The following LRMDA variants were observed in gnomAD, a reference collection of about 807,000 sequenced individuals.
LRMDA encodes leucine rich melanocyte differentiation associated.
In LRMDA, 18 loss-of-function variants were observed where a neutral mutation model predicts 29.8. The ratio of observed to expected loss-of-function variants is 0.60; its 90% CI spans 0.42 to 0.90. The LOEUF (loss-of-function observed/expected upper bound fraction) is 0.90, where lower values mean the gene tolerates loss of function less well. Ranked by LOEUF, LRMDA falls within the 40% of genes least tolerant of loss-of-function variation. The pLI is 0.00. For synonymous variants in LRMDA, 125 were observed against 109.4 expected (o/e 1.14, Z -0.89); for missense variants, 273 against 273.9 (o/e 1.00, Z 0.02).
chr10:75,432,603 T>C (rs976283965), intron 1 of LRMDA, among the ~76,000 whole-genome samples: 1 of 152,226 alleles, frequency 6.6e-6, no homozygotes, highest in African/African-American at 2.4e-5. Flanking sequence ...CACCTTTCCC[T>C]GCACACCCTG....
At chr10:75,702,964 C>G (rs1842326324) in intron 2 of LRMDA, among the ~76,000 whole-genome samples, 1 of 152,174 alleles carries the variant, frequency 6.6e-6, no homozygotes, top group Non-Finnish European at 1.5e-5. Context: ...TCCTGAAATT[C>G]CCATTTAAGA....
chr10:75,960,987 A>G (rs1188441009), intron 2 of LRMDA, among the ~76,000 whole-genome samples: 1 of 152,184 alleles, frequency 6.6e-6, no homozygotes, highest in Non-Finnish European at 1.5e-5. Context: ...TCCTAGGGAC[A>G]GATTTGTCAA....
At chr10:75,664,048 T>G (rs990192752) in intron 2 of LRMDA, among the ~76,000 whole-genome samples, 1 of 152,224 alleles carries the variant, frequency 6.6e-6, no homozygotes, top group Non-Finnish European at 1.5e-5. Context: ...GAATAGTCCG[T>G]AAAGTTTACT....
intron 2 of LRMDA, among the ~76,000 whole-genome samples, chr10:75,488,135 G>T (rs901089353): frequency 1.3e-5 from 2 of 152,124 alleles, no homozygotes; most frequent in African/African-American, 4.8e-5. Flanking sequence ...AATGGTGTAT[G>T]CCCTGCCTCT....
intron 6 of LRMDA, among the ~76,000 whole-genome samples, chr10:76,340,815 A>ATTT (rs1339636911): frequency 6.6e-6 from 1 of 152,126 alleles, no homozygotes; most frequent in Non-Finnish European, 1.5e-5. Flanking sequence ...ATTCAGCATT[A>ATTT]TTTGCAGTCA....
intron 2 of LRMDA, among the ~76,000 whole-genome samples, chr10:75,641,409 A>T (rs967934791): frequency 2.7e-5 from 4 of 148,712 alleles, no homozygotes; most frequent in African/African-American, 7.3e-5. Flanking sequence ...GTTAATATAT[A>T]ATATATATAT....
intron 2 of LRMDA, among the ~76,000 whole-genome samples, chr10:75,626,690 A>G (rs1841254121): frequency 6.6e-6 from 1 of 152,178 alleles, no homozygotes; most frequent in African/African-American, 2.4e-5. Flanking sequence ...AGAGCATGCC[A>G]CTGTCCACAG....
intron 2 of LRMDA, among the ~76,000 whole-genome samples, chr10:75,931,723 A>G (rs1846208861): frequency 6.6e-6 from 1 of 152,190 alleles, no homozygotes; most frequent in Non-Finnish European, 1.5e-5. Context: ...AGGCCTACTG[A>G]TGCTTGGAAC....
chr10:76,533,900 T>G (rs1843263744), intron 6 of LRMDA, among the ~76,000 whole-genome samples: 1 of 152,208 alleles, frequency 6.6e-6, no homozygotes, highest in African/African-American at 2.4e-5. Context: ...GGTTACTACA[T>G]GCTGGGCACA....
intron 2 of LRMDA, among the ~76,000 whole-genome samples, chr10:75,650,900 CTCA>C (rs1285900246): frequency 1.3e-5 from 2 of 152,116 alleles, no homozygotes; most frequent in Non-Finnish European, 2.9e-5. Flanking sequence ...AGAGAGAACT[CTCA>C]TCAGCATTAT....
intron 2 of LRMDA, among the ~76,000 whole-genome samples, chr10:75,708,768 G>A (rs2132175458): frequency 6.6e-6 from 1 of 152,220 alleles, no homozygotes; most frequent in South Asian, 2.1e-4. Flanking sequence ...AACGAGCAAG[G>A]GTTTCTAAAT....
chr10:75,991,211 T>A (rs1258542438), intron 2 of LRMDA, among the ~76,000 whole-genome samples: 1 of 152,188 alleles, frequency 6.6e-6, no homozygotes, highest in Non-Finnish European at 1.5e-5. Flanking sequence ...ATTTTTGGTG[T>A]GTGTGCATAA....
chr10:76,407,702 G>C (rs1261989959), intron 6 of LRMDA, among the ~76,000 whole-genome samples: 2 of 152,156 alleles, frequency 1.3e-5, no homozygotes, highest in Non-Finnish European at 2.9e-5. Flanking sequence ...AAAACTGTCT[G>C]CTATCCTTAA....
intron 6 of LRMDA, among the ~76,000 whole-genome samples, chr10:76,337,934 G>A (rs1840989313): frequency 6.6e-6 from 1 of 152,138 alleles, no homozygotes; most frequent in Non-Finnish European, 1.5e-5. Flanking sequence ...GTTTGCTTAT[G>A]TAGGAATCCA....
At chr10:76,274,757 G>C (rs1255574494) in intron 5 of LRMDA, among the ~76,000 whole-genome samples, 2 of 152,082 alleles carry the variant, frequency 1.3e-5, no homozygotes, top group Admixed American at 6.6e-5. Flanking sequence ...TTTTGATATT[G>C]GAGCGGTTTT....
At chr10:76,162,982 T>G (rs1850675034) in intron 5 of LRMDA, among the ~76,000 whole-genome samples, 1 of 152,174 alleles carries the variant, frequency 6.6e-6, no homozygotes, top group Non-Finnish European at 1.5e-5. Flanking sequence ...AATTCCAGAT[T>G]TTAATTTTAT....
At chr10:76,129,445 G>T (rs1408216833) in intron 5 of LRMDA, among the ~76,000 whole-genome samples, 1 of 152,178 alleles carries the variant, frequency 6.6e-6, no homozygotes, top group Non-Finnish European at 1.5e-5. Flanking sequence ...GAGACTGAAC[G>T]CTGGTCTCCT....
intron 2 of LRMDA, among the ~76,000 whole-genome samples, chr10:76,030,533 A>G (rs1677952722): frequency 6.6e-6 from 1 of 152,166 alleles, no homozygotes; most frequent in East Asian, 1.9e-4. Context: ...AATGTCACCC[A>G]TAATCCCAGC....
intron 2 of LRMDA, among the ~76,000 whole-genome samples, chr10:75,747,264 T>C (rs1842900945): frequency 6.6e-6 from 1 of 152,102 alleles, no homozygotes; most frequent in African/African-American, 2.4e-5. Context: ...ACAGTTAAGA[T>C]AAAAATGACA....
Sources: gnomAD v4.1 joint callset for allele counts (sites outside exome capture counted in the v4.1 genomes callset) on GRCh38, gnomAD v4.1.1 for gene constraint, MANE v1.5 for transcripts, NCBI Gene and HGNC (gene_info 2026-07-23, HGNC 2026-07-21) for gene names.